IFI27L1: variants seen among roughly 807,000 people sequenced by gnomAD.
The protein encoded by IFI27L1 is interferon alpha-inducible protein 27-like protein 1.
In IFI27L1, 3 loss-of-function variants were observed where a neutral mutation model predicts 9.2. That is an observed-to-expected ratio of 0.32 (90% confidence interval 0.15 to 0.84). The LOEUF (loss-of-function observed/expected upper bound fraction) is 0.84. IFI27L1 is among the 40% of genes least tolerant of loss of function. IFI27L1 has a pLI of 0.56. For synonymous variants in IFI27L1, 53 were observed against 50.0 expected, an observed-to-expected ratio of 1.06 and a Z score of -0.26; for missense variants, 133 against 134.2, an observed-to-expected ratio of 0.99 and a Z score of 0.05.
chr14:94,092,882 T>C (rs1886529687), intron 1 of IFI27L1, among the ~76,000 whole-genome samples: 1 of 152,172 alleles, frequency 6.6e-6, no homozygotes, highest in Non-Finnish European at 1.5e-5. Context: ...GGGGTTTCCC[T>C]TTATGCTTCG....
intron 2 of IFI27L1, among the ~76,000 whole-genome samples, chr14:94,097,956 G>C (rs1220961432): frequency 6.6e-6 from 1 of 152,212 alleles, no homozygotes; most frequent in African/African-American, 2.4e-5. Context: ...CAGTGGGACT[G>C]GGTGAAGTGC....
At chr14:94,082,110 AATGAAC>A (rs1352154341) in intron 1 of IFI27L1, among the ~76,000 whole-genome samples, 1 of 152,242 alleles carries the variant, frequency 6.6e-6, no homozygotes, top group Admixed American at 6.5e-5. Flanking sequence ...ATTTTACTCT[AATGAAC>A]ACATGAATGA....
intron 1 of IFI27L1, among the ~76,000 whole-genome samples, chr14:94,096,578 C>T (rs945220322): frequency 2.6e-5 from 4 of 151,804 alleles, no homozygotes; most frequent in African/African-American, 9.7e-5. Flanking sequence ...CCTGTAATCC[C>T]AGCTACTCAG....
intron 1 of IFI27L1, among the ~76,000 whole-genome samples, chr14:94,086,238 C>T (rs1477763837): frequency 6.6e-6 from 1 of 152,168 alleles, no homozygotes; most frequent in Non-Finnish European, 1.5e-5. Context: ...TGCCTGCCCC[C>T]CTTCCACCTT....
chr14:94,083,958 G>A (rs1234045506), intron 1 of IFI27L1, among the ~76,000 whole-genome samples: 1 of 151,806 alleles, frequency 6.6e-6, no homozygotes, highest in Admixed American at 6.6e-5. Context: ...AAGAAAGAGA[G>A]TCAATTTTAA....
At chr14:94,094,121 C>T (rs557867433) in intron 1 of IFI27L1, among the ~76,000 whole-genome samples, 11 of 152,050 alleles carry the variant, frequency 7.2e-5, no homozygotes, top group Admixed American at 1.3e-4. Context: ...GTTTGAGGCC[C>T]AATTTAGGAA....
chr14:94,100,760 TG>T lies in IFI27L1; in HGVS notation c.52del (p.Val18SerfsTer22). On this transcript the variant is annotated frameshift_variant, in exon 3 of 5. Transcript: ENST00000555523. LOFTEE classifies it high-confidence loss of function. ...CCAGGCAGGGCTGCTGTAGCAGCTG[TG>T]GTCGGAGGAGGTGAGTCTCTATGGG... ...WDSGRAAVAA[V>X]VGGVVAVGTV... The T allele has an allele frequency of 6.2e-7, 1 of 1,613,688 alleles. No homozygotes were observed. The highest frequency in any genetic ancestry group is 8.5e-7 in the Non-Finnish European group (1 of 1,179,912).
Position 94,087,733 on chromosome 14 carries a change from G to A in IFI27L1, c.-52+6284G>A, listed in dbSNP as rs117615903. Among the ~76,000 whole-genome samples the A allele has an allele frequency of 5.6e-3, 831 of 147,328 alleles. 28 individuals carry two copies. In the East Asian group the frequency reaches 0.084, roughly 15 times the overall value. ...GAGCCACCGTGCCCAGCCGATTGTC[G>A]TTTTTTTTTTTAACACAAGCAACTC... On this transcript the variant is annotated intron_variant, in intron 1 of 4. Transcript: ENST00000555523.
chr14:94,088,832 A>C (rs1440402298), intron 1 of IFI27L1, among the ~76,000 whole-genome samples: 1 of 152,146 alleles, frequency 6.6e-6, no homozygotes, highest in Non-Finnish European at 1.5e-5. Flanking sequence ...GTTCCTTGTT[A>C]AAGGCAGTTC....
intron 1 of IFI27L1, among the ~76,000 whole-genome samples, chr14:94,093,652 G>T (rs2139269072): frequency 6.6e-6 from 1 of 152,298 alleles, no homozygotes; most frequent in African/African-American, 2.4e-5. Flanking sequence ...CTGACCAGGG[G>T]CCCTGGTTGA....
In IFI27L1 at chr14:94,096,957, G is replaced by C. The variant is rs754548251; in HGVS notation, c.20G>C (p.Trp7Ser). Residue 7 changes from tryptophan to serine, a missense_variant, in exon 2 of 5, where the codon TGG (tryptophan) becomes TCG (serine). Transcript: ENST00000555523. MGKESGWDSGRAAVAAV... is the reference protein window; with the variant it reads MGKESGSDSGRAAVAAV... ...CCAACCATGGGAAAGGAGAGTGGAT[G>C]GGACTCAGGTGGGTACTGCACATGA... 8 of 1,613,434 alleles carry C rather than the reference G, an allele frequency of 5.0e-6. No individual in the cohort carries two copies. The highest frequency in any genetic ancestry group is 6.8e-6 in the Non-Finnish European group (8 of 1,179,676).
intron 1 of IFI27L1, among the ~76,000 whole-genome samples, chr14:94,088,587 C>T (rs572310994): frequency 1.4e-4 from 21 of 151,714 alleles, no homozygotes; most frequent in Admixed American, 2.6e-4. Flanking sequence ...GCAAGCTCCA[C>T]CCCCTGGAAC....
At chr14:94,101,477 A>C (rs995000524) in intron 3 of IFI27L1, 1 of 361,212 alleles carries the variant, frequency 2.8e-6, no homozygotes, top group Non-Finnish European at 5.0e-6. Flanking sequence ...TTTTGCATGG[A>C]GAGATCATGT....
chr14:94,096,738 G>T, intron 1 of IFI27L1, 149 bp from the exon 2 acceptor site: 1 of 493,628 alleles, frequency 2.0e-6, no homozygotes, highest in Non-Finnish European at 3.7e-6. Flanking sequence ...ACTTAGGGTA[G>T]TTACTCAAAA....
intron 1 of IFI27L1, among the ~76,000 whole-genome samples, chr14:94,085,864 G>A (rs1886262713): frequency 6.6e-6 from 1 of 152,078 alleles, no homozygotes; most frequent in African/African-American, 2.4e-5. Context: ...AAATTAATTG[G>A]CAACTATTTC....
chr14:94,085,828 C>T (rs998653470), intron 1 of IFI27L1, among the ~76,000 whole-genome samples: 7 of 152,120 alleles, frequency 4.6e-5, no homozygotes, highest in Non-Finnish European at 1.0e-4. Flanking sequence ...TATCCCTACC[C>T]AGAACACAAA....
At chr14:94,102,329 C>G (rs1886931547) in intron 4 of IFI27L1, 148 bp from the exon 5 acceptor site, 1 of 595,922 alleles carries the variant, frequency 1.7e-6, no homozygotes, top group African/African-American at 1.9e-5. Context: ...AGCAGAAATC[C>G]TAGGGTTTTA....
chr14:94,102,400 G>C (rs1886933801), intron 4 of IFI27L1, 77 bp from the exon 5 acceptor site: 2 of 862,698 alleles, frequency 2.3e-6, no homozygotes, highest in East Asian at 5.2e-5. Context: ...GAGGGACCAG[G>C]GTCTCTGGCC....
intron 2 of IFI27L1, 58 bp from the exon 3 acceptor site, chr14:94,100,681 C>T (rs1886859369): frequency 6.2e-7 from 1 of 1,606,016 alleles, no homozygotes; most frequent in Non-Finnish European, 8.5e-7. Context: ...AGAGAGTACC[C>T]ACTCCCATAG....
Sources: allele counts gnomAD v4.1 joint callset (sites outside exome capture counted in the v4.1 genomes callset), GRCh38; gene constraint gnomAD v4.1.1; transcripts MANE v1.5; gene names NCBI Gene and HGNC (gene_info 2026-07-23, HGNC 2026-07-21).